The following SMARCA4 variants were observed in gnomAD, a reference collection of about 807,000 sequenced individuals.
The protein encoded by SMARCA4 is SWI/SNF-related matrix-associated actin-dependent regulator of chromatin subfamily A member 4.
SMARCA4 carries 31 observed loss-of-function variants against 193.9 expected under a neutral mutation model. That is an observed-to-expected ratio of 0.16 (90% CI 0.12 to 0.22). The LOEUF is 0.22. SMARCA4 is among the 10% of genes least tolerant of loss of function. The probability of loss-of-function intolerance (pLI) is 1.00; values close to 1 mark genes in which losing one functional copy is unlikely to be tolerated. For synonymous variants in SMARCA4, 942 were observed against 933.1 expected, an observed-to-expected ratio of 1.01 and a Z score of -0.17; for missense variants, 1,148 against 2,296.0, an observed-to-expected ratio of 0.50 and a Z score of 10.22.
At chr19:10,997,201 A>G (rs1008058618) in intron 11 of SMARCA4, among the ~76,000 whole-genome samples, 1 of 151,384 alleles carries the variant, frequency 6.6e-6, no homozygotes, top group Non-Finnish European at 1.5e-5. Context: ...ATTTTTATTT[A>G]TTTATTTATT....
rs563079629 is a variant in SMARCA4 at position 10,984,255 on chromosome 19, C to T, written c.104C>T (p.Ser35Leu). 2.8e-5 allele frequency: 45 copies of T among 1,611,502 alleles called. No homozygotes were observed. The highest frequency in any genetic ancestry group is 2.7e-4 in the African/African-American group (20 of 75,042). ...GAMLGPSPGP[S>L]PGSAHSMMGP... ...ATGCTGGGCCCTAGCCCGGGTCCCT[C>T]GCCGGGCTCCGCCCACAGCATGATG... is the stretch of plus-strand genomic sequence containing the variant. The change falls in exon 2 of 35, where the codon TCG becomes TTG. Residue 35 changes from serine (S) to leucine (L), a missense_variant. Coordinates refer to ENST00000344626, the MANE Select transcript of SMARCA4 (RefSeq NM_003072.5). This position sits in a 1 kb window ranked among gnomAD's most constrained non-coding sequence, Gnocchi z 4.3.
chr19:11,026,410 G>T (rs1285858279), intron 23 of SMARCA4, 64 bp downstream of exon 23: 3 of 1,301,262 alleles, frequency 2.3e-6, no homozygotes, highest in African/African-American at 2.9e-5. Flanking sequence ...CTGTCGTTTT[G>T]TTGGCTTTAT....
At chr19:11,015,442 T>C (rs893442892) in intron 16 of SMARCA4, among the ~76,000 whole-genome samples, 1 of 152,148 alleles carries the variant, frequency 6.6e-6, no homozygotes, top group Non-Finnish European at 1.5e-5. Flanking sequence ...GTTTGTCCGA[T>C]GTGATCGCGT....
chr19:10,996,899 C>T (rs2087111981), intron 11 of SMARCA4, among the ~76,000 whole-genome samples: 1 of 152,196 alleles, frequency 6.6e-6, no homozygotes, highest in African/African-American at 2.4e-5. Flanking sequence ...GAGACAGGGT[C>T]TCTCTGTCAC....
At chr19:11,016,693 T>G (rs1391015193) in intron 16 of SMARCA4, among the ~76,000 whole-genome samples, 4 of 152,186 alleles carry the variant, frequency 2.6e-5, no homozygotes, top group Non-Finnish European at 1.5e-5. Flanking sequence ...GGATATTTAT[T>G]TAGTACTCCA....
At chr19:11,042,319 G>A (rs2075665877) in intron 30 of SMARCA4, among the ~76,000 whole-genome samples, 1 of 152,222 alleles carries the variant, frequency 6.6e-6, no homozygotes, top group Middle Eastern at 3.2e-3. Flanking sequence ...TAAGAAGAAA[G>A]GAATGTTCTC....
At position 11,041,613 on chromosome 19, in the gene SMARCA4, G is replaced by T. The variant is rs1403386451; in HGVS notation, c.4424+53G>T. 8 of 1,545,242 alleles carry T rather than the reference G, an allele frequency of 5.2e-6. No individual in the cohort carries two copies. The highest frequency in any genetic ancestry group is 7.1e-6 in the Non-Finnish European group (8 of 1,126,472). The stretch of plus-strand genomic sequence containing the variant: ...GCTGTAGGGGTCCCCGTGGGAGCAG[G>T]CCTGGCATCTGCACTCTGACTCTGC... On this transcript the variant is annotated intron_variant, in intron 30 of 34. Transcript: ENST00000344626. The surrounding 1 kb of genome is among the most constrained non-coding windows in gnomAD (Gnocchi z 5.6).
chr19:10,978,891 G>T (rs2145645944), intron 1 of SMARCA4, among the ~76,000 whole-genome samples: 1 of 152,232 alleles, frequency 6.6e-6, no homozygotes, highest in South Asian at 2.1e-4. Context: ...GGAGGTTGCA[G>T]TGAGCCGAGA....
intron 29 of SMARCA4, 30 bp downstream of exon 29, chr19:11,035,162 G>A (rs763169512): frequency 1.4e-5 from 22 of 1,587,826 alleles, no homozygotes; most frequent in African/African-American, 5.4e-5. Context: ...AGCAGCTGCC[G>A]CAGGCCAGCG....
chr19:11,024,136 C>T (rs2090076138), intron 20 of SMARCA4, among the ~76,000 whole-genome samples, 195 bp from the exon 21 acceptor site: 1 of 152,210 alleles, frequency 6.6e-6, no homozygotes, highest in Non-Finnish European at 1.5e-5. Context: ...CCTCTGGTAT[C>T]TCTGCCTGGT....
intron 6 of SMARCA4, among the ~76,000 whole-genome samples, chr19:10,988,482 A>G (rs938255695): frequency 3.3e-5 from 5 of 152,158 alleles, no homozygotes; most frequent in Non-Finnish European, 4.4e-5. Flanking sequence ...TTATCTGCCC[A>G]ATAAGCTTTG....
chr19:10,978,792 T>C (rs1466944504), intron 1 of SMARCA4, among the ~76,000 whole-genome samples: 3 of 150,838 alleles, frequency 2.0e-5, no homozygotes, highest in Non-Finnish European at 4.4e-5. Context: ...TATATATATA[T>C]ATATATTTTA....
At chr19:10,992,303 G>A (rs1216079378) in intron 8 of SMARCA4, among the ~76,000 whole-genome samples, 1 of 150,828 alleles carries the variant, frequency 6.6e-6, no homozygotes, top group Non-Finnish European at 1.5e-5. Context: ...TTTTAGTAGA[G>A]ATGGGGTTTC....
intron 1 of SMARCA4, among the ~76,000 whole-genome samples, chr19:10,974,547 A>T (rs1463340156): frequency 6.7e-6 from 1 of 149,546 alleles, no homozygotes; most frequent in Non-Finnish European, 1.5e-5. Flanking sequence ...AGCGCCAGAC[A>T]TCTGTGATAT....
intron 1 of SMARCA4, among the ~76,000 whole-genome samples, chr19:10,974,454 CTT>C (rs200604261): frequency 1.0e-4 from 14 of 136,492 alleles, no homozygotes; most frequent in African/African-American, 2.7e-4. Context: ...CTGATTTAGG[CTT>C]TTTTTTTTTT....
chr19:11,025,325 TC>T, intron 21 of SMARCA4, 96 bp from the exon 22 acceptor site: 1 of 799,614 alleles, frequency 1.3e-6, no homozygotes, highest in South Asian at 1.4e-5. Context: ...CACTAGAGCG[TC>T]CCCATGGCCC....
intron 16 of SMARCA4, among the ~76,000 whole-genome samples, chr19:11,013,928 CCTCT>C (rs1309248969): frequency 6.6e-6 from 1 of 152,136 alleles, no homozygotes; most frequent in Non-Finnish European, 1.5e-5. Context: ...CCCCTGCCCA[CCTCT>C]CTCGACATCT....
At chr19:11,048,841 G>A (rs1470343787) in intron 30 of SMARCA4, among the ~76,000 whole-genome samples, 1 of 152,200 alleles carries the variant, frequency 6.6e-6, no homozygotes, top group Non-Finnish European at 1.5e-5. Flanking sequence ...CATCATACGT[G>A]TACAGTTGTC....
At chr19:11,039,446 AT>A (rs35228627) in intron 29 of SMARCA4, 11 of 1,571,944 alleles carry the variant, frequency 7.0e-6, no homozygotes. Context: ...ACATTAAAAA[AT>A]TTTGTTGTAG....
Sources: allele counts gnomAD v4.1 joint callset (sites outside exome capture counted in the v4.1 genomes callset), GRCh38; gene constraint gnomAD v4.1.1; non-coding constraint Gnocchi (gnomAD v3.1); transcripts MANE v1.5; gene names NCBI Gene and HGNC (gene_info 2026-07-23, HGNC 2026-07-21).